The following SOX6 variants were observed in gnomAD, a reference collection of about 807,000 sequenced individuals.
SOX6 encodes transcription factor SOX-6.
A neutral mutation model predicts 97.8 loss-of-function variants in SOX6; 11 were observed. The observed-to-expected ratio is 0.11, with a 90% CI of 0.07 to 0.19. The LOEUF (loss-of-function observed/expected upper bound fraction) is 0.19. Ranked by LOEUF, SOX6 falls within the 10% of genes least tolerant of loss-of-function variation. The probability of loss-of-function intolerance (pLI) is 1.00; values close to 1 mark genes in which losing one functional copy is unlikely to be tolerated. For synonymous variants in SOX6, 360 were observed against 371.4 expected (o/e 0.97, Z 0.35); for missense variants, 810 against 1,039.5 (o/e 0.78, Z 3.04).
At chr11:16,134,401 T>C (rs1324164182) in intron 6 of SOX6, among the ~76,000 whole-genome samples, 2 of 152,214 alleles carry the variant, frequency 1.3e-5, no homozygotes, top group Non-Finnish European at 2.9e-5. Context: ...CCTTGAAAAC[T>C]TCTTGAAGAA....
intron 3 of SOX6, among the ~76,000 whole-genome samples, chr11:16,305,388 T>A (rs1855396752): frequency 6.6e-6 from 1 of 152,164 alleles, no homozygotes. Flanking sequence ...TAAGAACAGT[T>A]AAAACAAAAG....
intron 4 of SOX6, among the ~76,000 whole-genome samples, chr11:16,195,270 G>A (rs1162871106): frequency 6.6e-6 from 1 of 152,150 alleles, no homozygotes; most frequent in African/African-American, 2.4e-5. Context: ...ATTTGACCAA[G>A]TCATAGAGCA....
At chr11:16,367,805 C>A (rs1034598906) in intron 1 of SOX6, among the ~76,000 whole-genome samples, 11 of 152,070 alleles carry the variant, frequency 7.2e-5, no homozygotes, top group Admixed American at 4.6e-4. Flanking sequence ...TATCTGGCAC[C>A]TTGAGGTTTG....
chr11:16,406,645 CAG>C (rs1322215887), intron 1 of SOX6, among the ~76,000 whole-genome samples: 4 of 152,052 alleles, frequency 2.6e-5, no homozygotes, highest in Admixed American at 6.6e-5. Flanking sequence ...TGACTGATCT[CAG>C]AGTCTAGTCG....
At chr11:15,983,719 G>A (rs539580515) in intron 15 of SOX6, among the ~76,000 whole-genome samples, 365 of 152,250 alleles carry the variant, frequency 2.4e-3, no homozygotes, top group African/African-American at 8.5e-3. Context: ...AGAGGAAAAT[G>A]CTCAGCATTG....
rs1327381465 is a variant in SOX6 at position 16,605,042 on chromosome 11, G to C, written n.609+7039C>G. ...CCCTTCTCTGCCCGGCCCTTTAAGG[G>C]AGAAGGAAGAAAGCAGCTCCCGCGG... is the stretch of plus-strand genomic sequence containing the variant. On this transcript the variant is annotated intron_variant and non_coding_transcript_variant, in intron 4 of 5. Coordinates refer to the SOX6 transcript ENST00000524520. This position sits in a 1 kb window ranked among gnomAD's most constrained non-coding sequence, Gnocchi z 5.3. Among the ~76,000 whole-genome samples, 1 of 152,086 alleles carries C rather than the reference G, an allele frequency of 6.6e-6. No homozygotes were observed. Among genetic ancestry groups the C allele is most frequent in the Non-Finnish European group, 1.5e-5 (1 of 68,002 alleles).
intron 1 of SOX6, among the ~76,000 whole-genome samples, chr11:16,347,072 C>T (rs1340455661): frequency 6.6e-6 from 1 of 152,052 alleles, no homozygotes; most frequent in African/African-American, 2.4e-5. Flanking sequence ...TCTTGGAATG[C>T]TTTGACTCAT....
At chr11:16,567,142 G>GA (rs1011412727) in intron 4 of SOX6, among the ~76,000 whole-genome samples, 38 of 152,050 alleles carry the variant, frequency 2.5e-4, no homozygotes, top group Middle Eastern at 6.8e-3. Context: ...TAACTCTACA[G>GA]AAAAAAAATA....
intron 8 of SOX6, among the ~76,000 whole-genome samples, chr11:16,096,449 G>T (rs1402065026): frequency 6.6e-6 from 1 of 151,800 alleles, no homozygotes; most frequent in African/African-American, 2.4e-5. Flanking sequence ...AAAGGTGAAG[G>T]TTTGCAAGAG....
At position 16,675,165 on chromosome 11, in the gene SOX6, T is replaced by C. The variant is rs566076071; in HGVS notation, n.429+39665A>G. On this transcript the variant is annotated intron_variant and non_coding_transcript_variant, in intron 3 of 5. Coordinates refer to the SOX6 transcript ENST00000524520. ...AACAATCTGAAAAAGAAACAAAAAATATAATCCCATTTACAGTAATCACAC... is the reference window on the plus strand; with the variant it reads ...AACAATCTGAAAAAGAAACAAAAAACATAATCCCATTTACAGTAATCACAC... 9.2e-5 allele frequency among the ~76,000 whole-genome samples: 14 copies of C among 152,282 alleles called. No individual in the cohort carries two copies. In the Middle Eastern group the frequency reaches 0.01, roughly 111 times the overall value.
intron 3 of SOX6, among the ~76,000 whole-genome samples, chr11:16,683,839 G>T (rs1216359133): frequency 6.6e-6 from 1 of 152,004 alleles, no homozygotes; most frequent in Non-Finnish European, 1.5e-5. Flanking sequence ...CTACCCATCT[G>T]ACAAAGGGCT....
chr11:16,493,272 C>G (rs1289998647), intron 4 of SOX6, among the ~76,000 whole-genome samples: 1 of 152,052 alleles, frequency 6.6e-6, no homozygotes, highest in Non-Finnish European at 1.5e-5. Context: ...CAAATTACTG[C>G]TACACGAAAT....
At chr11:16,473,879 T>C (rs1043705793) in intron 1 of SOX6, among the ~76,000 whole-genome samples, 1 of 152,256 alleles carries the variant, frequency 6.6e-6, no homozygotes, top group African/African-American at 2.4e-5. Flanking sequence ...CATACAATGC[T>C]GTTTGATAGC....
At chr11:16,409,256 T>C (rs1858746090) in intron 1 of SOX6, among the ~76,000 whole-genome samples, 1 of 145,504 alleles carries the variant, frequency 6.9e-6, no homozygotes, top group East Asian at 2.0e-4. Context: ...TCTCTATCCC[T>C]AACTTTCCTC....
intron 6 of SOX6, among the ~76,000 whole-genome samples, chr11:16,168,927 CT>C (rs1306999327): frequency 6.6e-6 from 1 of 152,128 alleles, no homozygotes; most frequent in Admixed American, 6.6e-5. Context: ...ATTTCTTCGC[CT>C]TTTCTATCAT....
intron 12 of SOX6, among the ~76,000 whole-genome samples, chr11:16,019,147 G>T (rs1419108800): frequency 2.6e-5 from 4 of 152,182 alleles, no homozygotes; most frequent in Middle Eastern, 6.8e-3. Context: ...CCTCCCTTCT[G>T]CATTACCAAG....
chr11:16,079,589 T>G (rs2133952967), intron 9 of SOX6, among the ~76,000 whole-genome samples: 1 of 152,288 alleles, frequency 6.6e-6, no homozygotes, highest in African/African-American at 2.4e-5. Flanking sequence ...AATATGTGTT[T>G]GTTATAAATA....
At chr11:16,261,973 A>G (rs1853913629) in intron 3 of SOX6, among the ~76,000 whole-genome samples, 3 of 152,036 alleles carry the variant, frequency 2.0e-5, no homozygotes, top group Admixed American at 1.3e-4. Flanking sequence ...CAAATTATCA[A>G]CTAAGTACTG....
intron 3 of SOX6, among the ~76,000 whole-genome samples, chr11:16,236,513 G>T (rs1565038634): frequency 2.6e-5 from 4 of 151,288 alleles, no homozygotes; most frequent in African/African-American, 4.9e-5. Context: ...ACCCAATTCT[G>T]TTTTTTTTAG....
Sources: allele counts gnomAD v4.1 joint callset (sites outside exome capture counted in the v4.1 genomes callset), GRCh38; gene constraint gnomAD v4.1.1; non-coding constraint Gnocchi (gnomAD v3.1); transcripts MANE v1.5; gene names NCBI Gene and HGNC (gene_info 2026-07-23, HGNC 2026-07-21).